CUBN: variants seen among roughly 807,000 people sequenced by gnomAD.
The protein encoded by CUBN is cubilin.
Under a neutral mutation model 405.3 loss-of-function variants are expected in CUBN, and 282 were observed. That is an observed-to-expected ratio of 0.70 (90% CI 0.63 to 0.77). CUBN has a LOEUF of 0.77. Among genes scored for constraint, CUBN ranks in the 30% least tolerant of loss-of-function variants. The pLI, the probability that CUBN is intolerant of heterozygous loss-of-function variation, is 0.00. For missense variants in CUBN, 4,514 were observed against 4,475.2 expected (o/e 1.01, Z -0.25); for synonymous variants, 1,684 against 1,617.0 (o/e 1.04, Z -0.99).
At chr10:16,954,290 G>T (rs940510541) in intron 32 of CUBN, 99 bp downstream of exon 32, 5 of 1,312,828 alleles carry the variant, frequency 3.8e-6, no homozygotes, top group Non-Finnish European at 5.5e-6. Flanking sequence ...TAAGTAGAAG[G>T]CTGTGATCAA....
intron 28 of CUBN, among the ~76,000 whole-genome samples, chr10:17,014,829 C>G (rs1273185070): frequency 6.6e-6 from 1 of 152,182 alleles, no homozygotes; most frequent in South Asian, 2.1e-4. Flanking sequence ...CCTTGGGGCA[C>G]AACTATCCAT....
intron 27 of CUBN, among the ~76,000 whole-genome samples, chr10:17,037,839 C>A (rs1474443506): frequency 6.6e-6 from 1 of 152,182 alleles, no homozygotes; most frequent in Non-Finnish European, 1.5e-5. Context: ...TGCTCTCGCC[C>A]CACAAACACT....
rs375890301 is a variant in CUBN at position 17,001,126 on chromosome 10, A to G, written c.4169-10611T>C. 1.1e-4 allele frequency among the ~76,000 whole-genome samples: 17 copies of G among 152,076 alleles called. 2 individuals are homozygous for G. The highest frequency in any genetic ancestry group is 2.6e-4 in the Admixed American group (4 of 15,268). On this transcript the variant is annotated intron_variant, in intron 28 of 66. Transcript: ENST00000377833. ...AAAGGTGGTGTGTGCAGAGTTGTTCATTCTTCCCGGTGGGTTTCTGGTCTC... is the reference window on the plus strand; with the variant it reads ...AAAGGTGGTGTGTGCAGAGTTGTTCGTTCTTCCCGGTGGGTTTCTGGTCTC...
At chr10:16,900,557 G>A in intron 53 of CUBN, 68 bp downstream of exon 53, 2 of 1,197,286 alleles carry the variant, frequency 1.7e-6, no homozygotes, top group Non-Finnish European at 2.5e-6. Context: ...GGTACAAAAT[G>A]TACATATTAT....
intron 31 of CUBN, among the ~76,000 whole-genome samples, chr10:16,959,296 A>G (rs1331668943): frequency 1.3e-5 from 2 of 152,198 alleles, no homozygotes; most frequent in Admixed American, 1.3e-4. Context: ...TGAAATATAA[A>G]TTCTTTCATT....
intron 14 of CUBN, among the ~76,000 whole-genome samples, chr10:17,098,332 A>C (rs943132433): frequency 2.0e-5 from 3 of 152,224 alleles, no homozygotes; most frequent in African/African-American, 7.2e-5. Context: ...GGCCCACAAA[A>C]TCAGAAACAA....
chr10:17,005,658 T>C (rs1291319189), intron 28 of CUBN, among the ~76,000 whole-genome samples: 1 of 152,094 alleles, frequency 6.6e-6, no homozygotes, highest in Non-Finnish European at 1.5e-5. Flanking sequence ...GTCCTAGCTA[T>C]TTTTTTCTGT....
chr10:16,925,324 T>C lies in CUBN; in HGVS notation c.6563A>G (p.Asp2188Gly). ...AATAAACTGAACAAACATTTGATTA[T>C]CCGAGGTGAACAGAGTTGATGAAGC... is the stretch of plus-strand genomic sequence containing the variant. The part of the protein sequence containing the change: ...SHASSTLFTS[D>G]NQMFVQFISD... The change falls in exon 43 of 67, where the codon GAT becomes GGT. Residue 2188 changes from aspartate to glycine, a missense_variant. Asp to Gly is a moderately conservative substitution (Grantham distance 94). Transcript: ENST00000377833. 2 of 1,613,894 alleles carry C rather than the reference T, an allele frequency of 1.2e-6. No individual in the cohort carries two copies. The highest frequency in any genetic ancestry group is 8.5e-7 in the Non-Finnish European group (1 of 1,179,834).
At chr10:17,110,631 G>A (rs1031108940) in intron 9 of CUBN, among the ~76,000 whole-genome samples, 3 of 152,082 alleles carry the variant, frequency 2.0e-5, no homozygotes, top group African/African-American at 7.2e-5. Flanking sequence ...AGGTTCAAGC[G>A]ATTCTCGTGC....
At chr10:17,103,728 A>G (rs760260393) in intron 12 of CUBN, among the ~76,000 whole-genome samples, 15 of 152,206 alleles carry the variant, frequency 9.9e-5, no homozygotes, top group Non-Finnish European at 1.8e-4. Flanking sequence ...AGTTTAAGTG[A>G]GGGGCAGAAG....
chr10:17,059,607 C>G (rs2131835905), intron 22 of CUBN, among the ~76,000 whole-genome samples: 1 of 150,748 alleles, frequency 6.6e-6, no homozygotes, highest in East Asian at 1.9e-4. Flanking sequence ...AACCCAGGAG[C>G]CATCATCTGC....
chr10:17,058,205 A>C (rs1835434162), intron 22 of CUBN, among the ~76,000 whole-genome samples: 1 of 152,058 alleles, frequency 6.6e-6, no homozygotes, highest in Admixed American at 6.6e-5. Context: ...ACTATTCTAT[A>C]TTGGTAGAAA....
chr10:16,831,715 C>T (rs1246575621), intron 64 of CUBN, among the ~76,000 whole-genome samples: 1 of 152,132 alleles, frequency 6.6e-6, no homozygotes, highest in Admixed American at 6.5e-5. Flanking sequence ...GATCCTGCAG[C>T]CTTTGCTTTT....
chr10:16,984,015 G>GTGTAT (rs1833350341), intron 30 of CUBN, 90 bp downstream of exon 30: 1 of 1,395,872 alleles, frequency 7.2e-7, no homozygotes, highest in Non-Finnish European at 1.0e-6. Context: ...AGTTATAAGT[G>GTGTAT]TGTAGCCTTC....
rs758516140 is a variant in CUBN at position 17,129,730 on chromosome 10, C to A, written c.36G>T (p.Leu12Phe). 1.9e-6 allele frequency: 3 copies of A among 1,614,060 alleles called. No homozygotes were observed. Among genetic ancestry groups the A allele is most frequent in the African/African-American group, 1.3e-5 (1 of 75,034 alleles). ...MNMSLPFLWS[L>F]LTLLIFAEVN... ...CTTCAGCAAATATTAATAAGGTAAGCAAACTCCAAAGAAAAGGTAAAGACA... is the reference window on the plus strand; with the variant it reads ...CTTCAGCAAATATTAATAAGGTAAGAAAACTCCAAAGAAAAGGTAAAGACA... Residue 12 changes from leucine to phenylalanine, a missense_variant, in exon 1 of 67, where the codon TTG becomes TTT. Physicochemically the swap from Leu to Phe is conservative, Grantham distance 22. Coordinates refer to ENST00000377833, the MANE Select transcript of CUBN (RefSeq NM_001081.4).
chr10:16,868,046 C>T lies in CUBN; in HGVS notation c.9454+1590G>A, dbSNP rs553922721. Among the ~76,000 whole-genome samples, 18 of 150,358 alleles carry T rather than the reference C, an allele frequency of 1.2e-4. No homozygotes were observed. In the Middle Eastern group the frequency reaches 0.014, roughly 114 times the overall value. On this transcript the variant is annotated intron_variant, in intron 59 of 66. Coordinates refer to ENST00000377833, the MANE Select transcript of CUBN (RefSeq NM_001081.4). ...GGCAAGAATATATCCCTTTTTTGTG[C>T]AAAAAAAAATCTCCAAAGGAAAATT...
chr10:17,107,944 G>A (rs1177000983), intron 10 of CUBN, among the ~76,000 whole-genome samples: 1 of 151,770 alleles, frequency 6.6e-6, no homozygotes, highest in African/African-American at 2.4e-5. Context: ...ATATTTATAG[G>A]GAAAAATGGA....
intron 3 of CUBN, among the ~76,000 whole-genome samples, chr10:17,127,577 T>C (rs1469361982): frequency 1.3e-5 from 2 of 151,868 alleles, no homozygotes; most frequent in Non-Finnish European, 2.9e-5. Context: ...TAATCATCCA[T>C]TCACTTGCAG....
chr10:16,828,722 TA>T lies in CUBN; in HGVS notation c.10764+82del, dbSNP rs370322118. 112,940 of 779,864 alleles carry T rather than the reference TA, an allele frequency of 0.14. 13 individuals carry two copies. Among genetic ancestry groups the T allele is most frequent in the South Asian group, 0.2 (9,552 of 47,204 alleles). The allele number at this position is 779,864 out of a possible 1,614,324, so 48.3% of individuals were successfully genotyped here. A position where few individuals can be genotyped will look rare whatever the true frequency, so the allele number is the denominator to read the frequency against. Reference sequence around the variant, plus strand: ...GGGTGACAAGAGCGAGATTCCATCTTAAAAAAAAAAAAAGTCTACACTAAGT... The same window carrying T: ...GGGTGACAAGAGCGAGATTCCATCTTAAAAAAAAAAAAGTCTACACTAAGT... On this transcript the variant is annotated intron_variant, in intron 66 of 66. Coordinates refer to ENST00000377833, the MANE Select transcript of CUBN (RefSeq NM_001081.4).
Sources: allele counts gnomAD v4.1 joint callset (sites outside exome capture counted in the v4.1 genomes callset), GRCh38; gene constraint gnomAD v4.1.1; transcripts MANE v1.5; gene names NCBI Gene and HGNC (gene_info 2026-07-23, HGNC 2026-07-21).